The following CSMD1 variants were observed in gnomAD, a reference collection of about 807,000 sequenced individuals.
The protein encoded by CSMD1 is CUB and Sushi multiple domains 1, also known as CUB and sushi domain-containing protein 1.
Under a neutral mutation model 417.5 loss-of-function variants are expected in CSMD1, and 213 were observed. That is an observed-to-expected ratio of 0.51 (90% CI 0.46 to 0.57). The LOEUF (loss-of-function observed/expected upper bound fraction) is 0.57, where lower values mean the gene tolerates loss of function less well. Among genes scored for constraint, CSMD1 ranks in the 20% least tolerant of loss-of-function variants. The pLI, the probability that CSMD1 is intolerant of heterozygous loss-of-function variation, is 0.00. For synonymous variants in CSMD1, 2,862 were observed against 1,736.8 expected, an observed-to-expected ratio of 1.65 and a Z score of -16.11; for missense variants, 6,923 against 4,529.7, an observed-to-expected ratio of 1.53 and a Z score of -15.17.
chr8:3,786,991 T>C (rs1799489163), intron 5 of CSMD1, among the ~76,000 whole-genome samples: 1 of 152,152 alleles, frequency 6.6e-6, no homozygotes, highest in Non-Finnish European at 1.5e-5. Context: ...GATGAGGGCA[T>C]GGAAGCTGAG....
chr8:4,000,800 A>C (rs1360500422), intron 4 of CSMD1, among the ~76,000 whole-genome samples: 4 of 152,000 alleles, frequency 2.6e-5, no homozygotes, highest in Admixed American at 2.0e-4. Context: ...ATACTACAAA[A>C]GTTATGGCAT....
intron 10 of CSMD1, among the ~76,000 whole-genome samples, chr8:3,498,812 C>T (rs1245960426): frequency 6.6e-6 from 1 of 151,914 alleles, no homozygotes. Context: ...AAATTGTATT[C>T]ATTTTATTAT....
chr8:4,729,719 A>T (rs1368472558), intron 1 of CSMD1, among the ~76,000 whole-genome samples: 1 of 152,252 alleles, frequency 6.6e-6, no homozygotes, highest in African/African-American at 2.4e-5. Flanking sequence ...AGCTGTGCTT[A>T]CAACTCAAAG....
intron 21 of CSMD1, among the ~76,000 whole-genome samples, chr8:3,354,917 G>C (rs34583326): frequency 0.28 from 40,042 of 141,136 alleles, 6,271 homozygotes; most frequent in East Asian, 0.46. Context: ...CTATAGATAT[G>C]TCTATCTATA....
chr8:3,354,360 G>A (rs1040481924), intron 21 of CSMD1, among the ~76,000 whole-genome samples: 19 of 152,112 alleles, frequency 1.2e-4, no homozygotes, highest in Admixed American at 3.9e-4. Flanking sequence ...GCTTTTGAGG[G>A]CACTGTGAAA....
At chr8:4,571,468 A>T (rs1482470587) in intron 2 of CSMD1, among the ~76,000 whole-genome samples, 1 of 152,170 alleles carries the variant, frequency 6.6e-6, no homozygotes, top group Admixed American at 6.5e-5. Flanking sequence ...GAGTTTCTTA[A>T]TCCTGAGTTC....
chr8:4,448,516 T>G (rs2129788054), intron 2 of CSMD1, among the ~76,000 whole-genome samples: 1 of 152,288 alleles, frequency 6.6e-6, no homozygotes, highest in Admixed American at 6.5e-5. Context: ...AAGTTCAGAT[T>G]AGTACATAAG....
At chr8:4,808,764 T>G (rs548663404) in intron 1 of CSMD1, among the ~76,000 whole-genome samples, 29 of 152,334 alleles carry the variant, frequency 1.9e-4, no homozygotes, top group African/African-American at 6.3e-4. Flanking sequence ...TAAACTTATT[T>G]AGAACCTTGG....
chr8:3,357,363 T>G (rs1808863121), intron 21 of CSMD1, among the ~76,000 whole-genome samples: 1 of 152,214 alleles, frequency 6.6e-6, no homozygotes, highest in Admixed American at 6.5e-5. Flanking sequence ...TTTCCACATG[T>G]AACAGGGAAC....
At chr8:4,644,545 TA>T (rs1166596784) in intron 1 of CSMD1, among the ~76,000 whole-genome samples, 2 of 152,152 alleles carry the variant, frequency 1.3e-5, no homozygotes, top group Admixed American at 1.3e-4. Flanking sequence ...TAGCTGGGAT[TA>T]CAGGCACGCG....
chr8:4,179,277 A>G (rs1452914893), intron 3 of CSMD1, among the ~76,000 whole-genome samples: 2 of 152,172 alleles, frequency 1.3e-5, no homozygotes, highest in Admixed American at 6.5e-5. Context: ...AATGCCACGT[A>G]TCTACAACTA....
intron 7 of CSMD1, among the ~76,000 whole-genome samples, chr8:3,648,854 C>G (rs534586158): frequency 6.6e-6 from 1 of 152,126 alleles, no homozygotes; most frequent in Admixed American, 6.5e-5. Flanking sequence ...ATGTTGTTAC[C>G]AAGTGTGACT....
At chr8:4,629,359 C>T (rs779824860) in intron 2 of CSMD1, among the ~76,000 whole-genome samples, 5 of 152,116 alleles carry the variant, frequency 3.3e-5, no homozygotes, top group Non-Finnish European at 5.9e-5. Context: ...TTCAGAATGG[C>T]GAGCTATCAT....
intron 3 of CSMD1, among the ~76,000 whole-genome samples, chr8:4,198,844 G>C (rs1001967009): frequency 4.6e-5 from 7 of 151,998 alleles, no homozygotes; most frequent in African/African-American, 1.2e-4. Flanking sequence ...TCTCAGGAGA[G>C]ACAGCGCAAC....
At chr8:3,021,326 C>T (rs1167307047) in intron 51 of CSMD1, among the ~76,000 whole-genome samples, 1 of 152,052 alleles carries the variant, frequency 6.6e-6, no homozygotes, top group Non-Finnish European at 1.5e-5. Context: ...AATTTCAGAC[C>T]CAGAGTTTCC....
At chr8:2,997,873 T>C in intron 54 of CSMD1, 138 bp downstream of exon 54, 1 of 778,224 alleles carries the variant, frequency 1.3e-6, no homozygotes. Flanking sequence ...TCAGAAATGC[T>C]TTCACACCTG....
At chr8:3,349,844 TATAA>T (rs896365632) in intron 21 of CSMD1, among the ~76,000 whole-genome samples, 2 of 140,634 alleles carry the variant, frequency 1.4e-5, no homozygotes, top group Admixed American at 7.5e-5. Context: ...TATATCTAGA[TATAA>T]ATATATATAA....
intron 12 of CSMD1, among the ~76,000 whole-genome samples, chr8:3,433,977 A>G (rs1239484658): frequency 6.6e-6 from 1 of 152,126 alleles, no homozygotes; most frequent in Non-Finnish European, 1.5e-5. Flanking sequence ...AAGTCTAACG[A>G]TTTCCTTTTA....
chr8:3,524,036 C>G (rs1004710358), intron 10 of CSMD1, among the ~76,000 whole-genome samples: 1 of 150,312 alleles, frequency 6.7e-6, no homozygotes, highest in South Asian at 2.1e-4. Flanking sequence ...CACACACATG[C>G]ACACCCAGAG....
Sources: allele counts gnomAD v4.1 joint callset (sites outside exome capture counted in the v4.1 genomes callset), GRCh38; gene constraint gnomAD v4.1.1; transcripts MANE v1.5; gene names NCBI Gene and HGNC (gene_info 2026-07-23, HGNC 2026-07-21).